Variants in CSMD1 observed in about 807,000 individuals in gnomAD.
The protein encoded by CSMD1 is CUB and Sushi multiple domains 1.
Under a neutral mutation model 417.5 loss-of-function variants are expected in CSMD1, and 213 were observed. That is an observed-to-expected ratio of 0.51 (90% CI 0.46 to 0.57). The LOEUF is 0.57. Ranked by LOEUF, CSMD1 falls within the 20% of genes least tolerant of loss-of-function variation. The probability of loss-of-function intolerance (pLI) is 0.00; values close to 1 mark genes in which losing one functional copy is unlikely to be tolerated. For missense variants in CSMD1, 6,923 were observed against 4,529.7 expected, an observed-to-expected ratio of 1.53 and a Z score of -15.17; for synonymous variants, 2,862 against 1,736.8, an observed-to-expected ratio of 1.65 and a Z score of -16.11.
chr8:4,355,725 T>C (rs943265467), intron 3 of CSMD1, among the ~76,000 whole-genome samples: 1 of 152,172 alleles, frequency 6.6e-6, no homozygotes, highest in Non-Finnish European at 1.5e-5. Flanking sequence ...CAGCAATGCA[T>C]CTTTATTCAT....
rs958605096 is a variant in CSMD1, at chr8:3,935,086, C to T, written c.818+62817G>A. ...CTTCATAACTACAATATGCTTACAT[C>T]TAATACTTAAAACAACATGCCTTCT... On this transcript the variant is annotated intron_variant, in intron 5 of 69. Transcript: ENST00000635120. Among the ~76,000 whole-genome samples, 7 of 152,102 alleles carry T rather than the reference C, an allele frequency of 4.6e-5. No individual in the cohort carries two copies. The South Asian group carries it at 1.5e-3, about 32-fold the overall frequency.
chr8:4,668,601 C>T (rs1163635263), intron 1 of CSMD1, among the ~76,000 whole-genome samples: 3 of 151,884 alleles, frequency 2.0e-5, no homozygotes, highest in Non-Finnish European at 4.4e-5. Flanking sequence ...AGGCGTCCGC[C>T]ACCACGCCTG....
chr8:4,126,099 A>T (rs1272006959), intron 3 of CSMD1, among the ~76,000 whole-genome samples: 2 of 151,958 alleles, frequency 1.3e-5, no homozygotes, highest in Non-Finnish European at 2.9e-5. Context: ...ACAGCAAGAA[A>T]AACTCACTTT....
intron 5 of CSMD1, among the ~76,000 whole-genome samples, chr8:3,806,385 T>C (rs1322721629): frequency 6.6e-6 from 1 of 152,218 alleles, no homozygotes; most frequent in African/African-American, 2.4e-5. Context: ...CTGAAGCCTG[T>C]GGGACACAAA....
intron 2 of CSMD1, among the ~76,000 whole-genome samples, chr8:4,569,441 A>C (rs759406524): frequency 6.6e-6 from 1 of 152,210 alleles, no homozygotes. Context: ...TTTGTCAAAC[A>C]TCAGATGGTT....
At chr8:4,238,394 C>A (rs947752114) in intron 3 of CSMD1, among the ~76,000 whole-genome samples, 5 of 152,144 alleles carry the variant, frequency 3.3e-5, no homozygotes, top group African/African-American at 1.2e-4. Flanking sequence ...CTAACTCCGC[C>A]CTGAGCACAC....
chr8:4,993,072 G>C (rs1811561087), intron 1 of CSMD1, among the ~76,000 whole-genome samples: 1 of 152,210 alleles, frequency 6.6e-6, no homozygotes, highest in Non-Finnish European at 1.5e-5. Context: ...ACCAGATACA[G>C]TCCTCCTTCG....
intron 23 of CSMD1, among the ~76,000 whole-genome samples, chr8:3,333,864 C>G (rs1430743861): frequency 6.6e-6 from 1 of 152,170 alleles, no homozygotes; most frequent in Non-Finnish European, 1.5e-5. Flanking sequence ...AACAGCAATG[C>G]TTACACATCA....
intron 3 of CSMD1, among the ~76,000 whole-genome samples, chr8:4,176,668 C>G (rs1001600360): frequency 5.3e-5 from 8 of 151,490 alleles, no homozygotes; most frequent in African/African-American, 1.9e-4. Context: ...CATCAGTGTG[C>G]TGTATTCAGG....
chr8:4,143,264 T>C (rs573295548), intron 3 of CSMD1, among the ~76,000 whole-genome samples: 8 of 151,124 alleles, frequency 5.3e-5, no homozygotes, highest in Non-Finnish European at 1.2e-4. Context: ...TTTCCATTTG[T>C]CCTCAAAGAA....
At chr8:4,028,605 C>T (rs188341855) in intron 4 of CSMD1, among the ~76,000 whole-genome samples, 5 of 152,116 alleles carry the variant, frequency 3.3e-5, no homozygotes, top group Non-Finnish European at 7.4e-5. Flanking sequence ...TGCAGTGGAG[C>T]CTGTAAATTG....
intron 12 of CSMD1, among the ~76,000 whole-genome samples, chr8:3,462,508 A>G (rs1816568716): frequency 1.3e-5 from 2 of 152,094 alleles, no homozygotes; most frequent in Admixed American, 1.3e-4. Context: ...CATGCGAGGG[A>G]TCTAGGCTGC....
intron 25 of CSMD1, among the ~76,000 whole-genome samples, chr8:3,294,790 C>T (rs1312309584): frequency 2.0e-5 from 3 of 152,132 alleles, no homozygotes; most frequent in African/African-American, 4.8e-5. Flanking sequence ...TTGATGCCTC[C>T]CCCTGCTTTG....
chr8:3,531,576 T>C (rs558987756), intron 10 of CSMD1, among the ~76,000 whole-genome samples: 1 of 152,272 alleles, frequency 6.6e-6, no homozygotes, highest in East Asian at 1.9e-4. Context: ...GCAGTCCAGG[T>C]TCCATCTGTG....
intron 3 of CSMD1, among the ~76,000 whole-genome samples, chr8:4,118,346 T>C (rs753210573): frequency 1.3e-5 from 2 of 151,490 alleles, no homozygotes; most frequent in African/African-American, 2.4e-5. Context: ...CTTTGCAATC[T>C]ACCCATCTGA....
rs544287000 is a variant in CSMD1 at position 4,287,134 on chromosome 8, C to G, written c.415+132819G>C. Among the ~76,000 whole-genome samples the G allele has an allele frequency of 5.9e-5, 9 of 152,322 alleles. 1 individual carries two copies. In the South Asian group the frequency reaches 1.9e-3, roughly 32 times the overall value. On this transcript the variant is annotated intron_variant, in intron 3 of 69. Coordinates refer to ENST00000635120, the MANE Select transcript of CSMD1 (RefSeq NM_033225.6). ...AAACAAGGGTTCTTCAACACCTAGT[C>G]TGTTAATGTGGAACTATGTGGACAG...
intron 50 of CSMD1, among the ~76,000 whole-genome samples, chr8:3,041,391 A>G (rs970766579): frequency 1.3e-5 from 2 of 152,202 alleles, no homozygotes; most frequent in African/African-American, 4.8e-5. Context: ...AAAGAATCCC[A>G]GGTAATATCA....
intron 8 of CSMD1, among the ~76,000 whole-genome samples, chr8:3,612,119 A>G (rs1486455472): frequency 6.6e-6 from 1 of 152,152 alleles, no homozygotes; most frequent in Non-Finnish European, 1.5e-5. Flanking sequence ...TCCATATATT[A>G]TAGACTAACA....
At chr8:3,744,975 T>C (rs140979878) in intron 6 of CSMD1, among the ~76,000 whole-genome samples, 29 of 152,258 alleles carry the variant, frequency 1.9e-4, no homozygotes, top group African/African-American at 6.3e-4. Context: ...CCTTTTGTAG[T>C]AAAGCCTAGA....
Sources: gnomAD v4.1 joint callset for allele counts (sites outside exome capture counted in the v4.1 genomes callset) on GRCh38, gnomAD v4.1.1 for gene constraint, MANE v1.5 for transcripts, NCBI Gene and HGNC (gene_info 2026-07-23, HGNC 2026-07-21) for gene names.